ST6GALNAC3: variants seen among roughly 807,000 people sequenced by gnomAD.
ST6GALNAC3 encodes the protein alpha-N-acetylgalactosaminide alpha-2,6-sialyltransferase 3.
Under a neutral mutation model 32.7 loss-of-function variants are expected in ST6GALNAC3, and 25 were observed. The ratio of observed to expected loss-of-function variants is 0.76; its 90% confidence interval spans 0.56 to 1.07. ST6GALNAC3 has a LOEUF of 1.07. ST6GALNAC3 is among the 50% of genes least tolerant of loss of function. The probability of loss-of-function intolerance (pLI) is 0.00; values close to 1 mark genes in which losing one functional copy is unlikely to be tolerated. For missense variants in ST6GALNAC3, 355 were observed against 382.4 expected, an observed-to-expected ratio of 0.93 and a Z score of 0.60; for synonymous variants, 129 against 133.1, an observed-to-expected ratio of 0.97 and a Z score of 0.21.
At chr1:76,328,887 C>G (rs543837347) in intron 2 of ST6GALNAC3, among the ~76,000 whole-genome samples, 16 of 152,126 alleles carry the variant, frequency 1.1e-4, no homozygotes, top group Non-Finnish European at 2.4e-4. Context: ...TCCCTGGGAG[C>G]CACATGAATA....
chr1:76,439,867 G>T lies in ST6GALNAC3; in HGVS notation c.623+27450G>T, dbSNP rs528558236. Among the ~76,000 whole-genome samples, 7 of 152,292 alleles carry T rather than the reference G, an allele frequency of 4.6e-5. 1 individual carries two copies. The highest frequency in any genetic ancestry group is 1.7e-4 in the African/African-American group (7 of 41,558). Reference sequence around the variant, plus strand: ...CAGAAGCAGCTTCCACTTACCATCAGTGTCACTTTGTACACATTAACCTCT... The same window carrying T: ...CAGAAGCAGCTTCCACTTACCATCATTGTCACTTTGTACACATTAACCTCT... On this transcript the variant is annotated intron_variant, in intron 3 of 4. Coordinates refer to ENST00000328299, the MANE Select transcript of ST6GALNAC3 (RefSeq NM_152996.4).
chr1:76,457,999 A>G (rs1193169392), intron 3 of ST6GALNAC3, among the ~76,000 whole-genome samples: 1 of 149,810 alleles, frequency 6.7e-6, no homozygotes, highest in East Asian at 2.0e-4. Flanking sequence ...ACAAAGGGCT[A>G]ATATCCAGAA....
intron 2 of ST6GALNAC3, among the ~76,000 whole-genome samples, chr1:76,319,642 G>A (rs764811744): frequency 1.3e-5 from 2 of 152,152 alleles, no homozygotes; most frequent in Non-Finnish European, 2.9e-5. Context: ...GAGCAATTAT[G>A]TGCAAATGTA....
intron 1 of ST6GALNAC3, among the ~76,000 whole-genome samples, chr1:76,169,260 A>G (rs987319980): frequency 2.0e-5 from 3 of 152,174 alleles, no homozygotes; most frequent in Non-Finnish European, 4.4e-5. Flanking sequence ...TTCTTTAAGA[A>G]TGTTGAATAT....
chr1:76,337,101 G>C (rs1433350090), intron 2 of ST6GALNAC3, among the ~76,000 whole-genome samples: 1 of 152,296 alleles, frequency 6.6e-6, no homozygotes, highest in East Asian at 1.9e-4. Flanking sequence ...GGGTCCCTTA[G>C]GCACAGAGGC....
chr1:76,589,896 C>T (rs922686808), intron 3 of ST6GALNAC3, among the ~76,000 whole-genome samples: 3 of 152,000 alleles, frequency 2.0e-5, no homozygotes, highest in Non-Finnish European at 4.4e-5. Flanking sequence ...GATCAACAAT[C>T]GTCCTTACAT....
intron 1 of ST6GALNAC3, among the ~76,000 whole-genome samples, chr1:76,165,216 G>A (rs1459279586): frequency 6.6e-6 from 1 of 151,930 alleles, no homozygotes; most frequent in Non-Finnish European, 1.5e-5. Context: ...TCCCTTCTGT[G>A]TGTCTGTGTG....
intron 3 of ST6GALNAC3, among the ~76,000 whole-genome samples, chr1:76,508,680 A>G (rs1661638984): frequency 6.6e-6 from 1 of 152,172 alleles, no homozygotes; most frequent in Non-Finnish European, 1.5e-5. Flanking sequence ...AGCACCAGCC[A>G]GGGGCTTAGC....
intron 1 of ST6GALNAC3, among the ~76,000 whole-genome samples, chr1:76,138,563 C>T (rs1388329147): frequency 6.6e-6 from 1 of 152,212 alleles, no homozygotes; most frequent in Non-Finnish European, 1.5e-5. Flanking sequence ...TTCCCAGCAC[C>T]TCCCTAAAAT....
chr1:76,577,194 T>C, intron 3 of ST6GALNAC3: 1 of 1,014,886 alleles, frequency 9.9e-7, no homozygotes, highest in Admixed American at 5.4e-5. Flanking sequence ...CTTTATTAAA[T>C]CTTATCAAAG....
chr1:76,590,695 A>T (rs973444116), intron 3 of ST6GALNAC3, among the ~76,000 whole-genome samples: 4 of 152,200 alleles, frequency 2.6e-5, no homozygotes, highest in Non-Finnish European at 4.4e-5. Context: ...GTAAATTTTT[A>T]AAATAGCTCT....
In ST6GALNAC3 at chr1:76,603,671, C is replaced by T. The variant is rs186399834; in HGVS notation, c.624-23781C>T. On this transcript the variant is annotated intron_variant, in intron 3 of 4. Transcript: ENST00000328299. ...GACAATGCTCTGTCTGTTTTATTTA[C>T]TCATTTTTAAATTTTTTTAGAGATG... Among the ~76,000 whole-genome samples, 67 of 152,224 alleles carry T rather than the reference C, an allele frequency of 4.4e-4. No homozygotes were observed. The Middle Eastern group carries it at 0.01, about 23-fold the overall frequency.
At position 76,185,836 on chromosome 1, in the gene ST6GALNAC3, G is replaced by T. The variant is rs527535179; in HGVS notation, c.18+110952G>T. 2.4e-4 allele frequency among the ~76,000 whole-genome samples: 37 copies of T among 152,266 alleles called. No individual in the cohort carries two copies. In the South Asian group the frequency reaches 7.5e-3, roughly 31 times the overall value. ...TACTCAGGGAAAAAAATATATGTCT[G>T]TACTGAATACATACAGACCATTTTT... On this transcript the variant is annotated intron_variant, in intron 1 of 4. Transcript: ENST00000328299.
chr1:76,382,547 T>G (rs1458921315), intron 2 of ST6GALNAC3, among the ~76,000 whole-genome samples: 1 of 152,054 alleles, frequency 6.6e-6, no homozygotes, highest in East Asian at 1.9e-4. Flanking sequence ...ATTAAAAAGG[T>G]GAAAGATAAA....
At chr1:76,475,049 G>T (rs1446932294) in intron 3 of ST6GALNAC3, among the ~76,000 whole-genome samples, 2 of 152,024 alleles carry the variant, frequency 1.3e-5, no homozygotes, top group East Asian at 1.9e-4. Context: ...CTTCAAAATG[G>T]TGCTACTTTT....
chr1:76,185,752 C>A lies in ST6GALNAC3; in HGVS notation c.18+110868C>A, dbSNP rs148610393. Among the ~76,000 whole-genome samples the A allele has an allele frequency of 3.7e-3, 567 of 152,244 alleles. 4 individuals are homozygous for A. The highest frequency in any genetic ancestry group is 0.013 in the African/African-American group (529 of 41,528). On this transcript the variant is annotated intron_variant, in intron 1 of 4. Transcript: ENST00000328299. ...TGGTCCCTGCCCTCTTGGAGGAACA[C>A]AACTGCTCTGTACCCATGGGTTCTG...
intron 3 of ST6GALNAC3, among the ~76,000 whole-genome samples, chr1:76,497,641 G>C (rs927400172): frequency 1.3e-5 from 2 of 152,166 alleles, no homozygotes; most frequent in Non-Finnish European, 2.9e-5. Flanking sequence ...TTAGGAGTGA[G>C]CCTGACATAT....
intron 3 of ST6GALNAC3, among the ~76,000 whole-genome samples, chr1:76,513,648 C>T (rs1220091407): frequency 1.3e-5 from 2 of 151,838 alleles, no homozygotes; most frequent in Non-Finnish European, 2.9e-5. Context: ...TTAGGATTTT[C>T]TTTTTCTATT....
chr1:76,204,560 T>C (rs113728228), intron 1 of ST6GALNAC3, among the ~76,000 whole-genome samples: 4 of 152,246 alleles, frequency 2.6e-5, no homozygotes, highest in African/African-American at 9.6e-5. Flanking sequence ...GGTGGGGATA[T>C]GTCCTTGGGT....
Sources: allele counts gnomAD v4.1 joint callset (sites outside exome capture counted in the v4.1 genomes callset), GRCh38; gene constraint gnomAD v4.1.1; transcripts MANE v1.5; gene names NCBI Gene and HGNC (gene_info 2026-07-23, HGNC 2026-07-21).